The following AK5 variants were observed in gnomAD, a reference collection of about 807,000 sequenced individuals.
AK5 encodes adenylate kinase isoenzyme 5.
In AK5, 27 loss-of-function variants were observed where a neutral mutation model predicts 69.5. That is an observed-to-expected ratio of 0.39 (90% CI 0.29 to 0.54). The LOEUF is 0.54. Ranked by LOEUF, AK5 falls within the 20% of genes least tolerant of loss-of-function variation. AK5 has a pLI of 0.71. For missense variants in AK5, 531 were observed against 700.4 expected (o/e 0.76, Z 2.73); for synonymous variants, 260 against 244.4 (o/e 1.06, Z -0.60).
intron 5 of AK5, among the ~76,000 whole-genome samples, chr1:77,329,548 T>A (rs1452006932): frequency 1.3e-5 from 2 of 152,218 alleles, no homozygotes; most frequent in African/African-American, 2.4e-5. Context: ...GGTGTGCCAC[T>A]GTGCCTGGCC....
At position 77,368,247 on chromosome 1, in the gene AK5, A is replaced by AT. The variant is rs1441296979; in HGVS notation, c.891+27680dup. Among the ~76,000 whole-genome samples, 5 of 88,690 alleles carry AT rather than the reference A, an allele frequency of 5.6e-5. 1 individual carries two copies. The highest frequency in any genetic ancestry group is 1.5e-4 in the Admixed American group (1 of 6,478). The allele number at this position is 88,690 out of a possible 152,430, so 58.2% of individuals were successfully genotyped here. A position where few individuals can be genotyped will look rare whatever the true frequency, so the allele number is the denominator to read the frequency against. Reference sequence around the variant, plus strand: ...TATATATATATATATATATATATATATATATAATATATATGTTATATATAT... The same window carrying AT: ...TATATATATATATATATATATATATATTATATAATATATATGTTATATATAT... On this transcript the variant is annotated intron_variant, in intron 6 of 13. Coordinates refer to ENST00000354567, the MANE Select transcript of AK5 (RefSeq NM_174858.3).
chr1:77,400,774 T>C (rs570260397), intron 6 of AK5, among the ~76,000 whole-genome samples: 142 of 152,206 alleles, frequency 9.3e-4, no homozygotes, highest in African/African-American at 3.3e-3. Context: ...GTGCTGCCTA[T>C]ATCCAGTGAA....
At chr1:77,555,107 C>T (rs1660032525) in intron 13 of AK5, among the ~76,000 whole-genome samples, 1 of 151,754 alleles carries the variant, frequency 6.6e-6, no homozygotes, top group African/African-American at 2.4e-5. Flanking sequence ...ATGGTGAAAC[C>T]CCATCTCTAC....
At chr1:77,342,618 G>GA (rs1352548378) in intron 6 of AK5, among the ~76,000 whole-genome samples, 1 of 152,080 alleles carries the variant, frequency 6.6e-6, no homozygotes, top group Non-Finnish European at 1.5e-5. Context: ...AATATAATTT[G>GA]AAAAAATTTG....
chr1:77,531,688 C>G (rs1211620945), intron 12 of AK5, among the ~76,000 whole-genome samples: 1 of 152,200 alleles, frequency 6.6e-6, no homozygotes, highest in East Asian at 1.9e-4. Flanking sequence ...GACTCAGGAG[C>G]CCAGCTGGCT....
intron 12 of AK5, 97 bp downstream of exon 12, chr1:77,522,040 A>G: frequency 1.0e-6 from 1 of 976,396 alleles, no homozygotes; most frequent in Non-Finnish European, 1.5e-6. Flanking sequence ...CAATTACATT[A>G]ATGAAAACTT....
chr1:77,551,407 T>G (rs1341644575), intron 13 of AK5, among the ~76,000 whole-genome samples: 1 of 152,154 alleles, frequency 6.6e-6, no homozygotes, highest in East Asian at 1.9e-4. Flanking sequence ...ATTTTGTCTT[T>G]AAACCTACCC....
At chr1:77,381,190 G>A (rs967395107) in intron 6 of AK5, among the ~76,000 whole-genome samples, 1 of 152,080 alleles carries the variant, frequency 6.6e-6, no homozygotes, top group African/African-American at 2.4e-5. Context: ...ACCTTTGGGA[G>A]GTGATCAGGT....
chr1:77,295,572 C>T (rs1403436615), intron 3 of AK5, among the ~76,000 whole-genome samples: 1 of 152,012 alleles, frequency 6.6e-6, no homozygotes, highest in Non-Finnish European at 1.5e-5. Context: ...ACATAGAAGA[C>T]AAGGAAACAC....
chr1:77,437,747 A>T (rs1386486849), intron 8 of AK5, among the ~76,000 whole-genome samples: 3 of 152,158 alleles, frequency 2.0e-5, no homozygotes, highest in Admixed American at 2.0e-4. Context: ...TGATTAGTCG[A>T]TGCAGGCAGG....
At chr1:77,438,452 G>A (rs1302046941) in intron 8 of AK5, among the ~76,000 whole-genome samples, 1 of 151,932 alleles carries the variant, frequency 6.6e-6, no homozygotes, top group Non-Finnish European at 1.5e-5. Flanking sequence ...ATCTCGTTTT[G>A]TTTCTTATTA....
chr1:77,532,244 A>T (rs571550919), intron 12 of AK5: 1 of 155,630 alleles, frequency 6.4e-6, no homozygotes, highest in South Asian at 2.0e-4. Context: ...AGGCGCTGAC[A>T]TCGAGCGGGG....
At chr1:77,428,900 A>G (rs1651403055) in intron 8 of AK5, among the ~76,000 whole-genome samples, 1 of 152,198 alleles carries the variant, frequency 6.6e-6, no homozygotes, top group Admixed American at 6.5e-5. Context: ...GATGGTTTCC[A>G]GCTTCATCCA....
chr1:77,471,932 A>G (rs61360507), intron 8 of AK5, among the ~76,000 whole-genome samples: 9,696 of 152,240 alleles, frequency 0.064, 600 homozygotes, highest in East Asian at 0.27. Flanking sequence ...CCAAAGCTCT[A>G]CAAACATGCT....
At chr1:77,506,216 TTTGGTTGGTTGGTTGG>T (rs60715102) in intron 10 of AK5, among the ~76,000 whole-genome samples, 2 of 148,972 alleles carry the variant, frequency 1.3e-5, no homozygotes, top group South Asian at 2.2e-4. Flanking sequence ...AGGATCGGTG[TTTGGTTGGTTGGTTGG>T]TTGGTTGGTT....
chr1:77,487,873 G>A (rs1655700021), intron 10 of AK5, among the ~76,000 whole-genome samples: 2 of 152,306 alleles, frequency 1.3e-5, no homozygotes, highest in African/African-American at 2.4e-5. Context: ...GGGCAGTGAG[G>A]AGTCACAGAG....
At chr1:77,351,119 C>T (rs1449887624) in intron 6 of AK5, among the ~76,000 whole-genome samples, 3 of 152,166 alleles carry the variant, frequency 2.0e-5, no homozygotes, top group South Asian at 2.1e-4. Flanking sequence ...CTGGGCCGGG[C>T]GCGGTGGCTC....
chr1:77,349,175 G>A lies in AK5; in HGVS notation c.891+8607G>A, dbSNP rs539519672. On this transcript the variant is annotated intron_variant, in intron 6 of 13. Coordinates refer to ENST00000354567, the MANE Select transcript of AK5 (RefSeq NM_174858.3). ...CTAACAATTCCTGAATGCTTAATACGTGCCTAGTACTATTCGGAATGTTTC... is the reference window on the plus strand; with the variant it reads ...CTAACAATTCCTGAATGCTTAATACATGCCTAGTACTATTCGGAATGTTTC... Among the ~76,000 whole-genome samples the A allele has an allele frequency of 6.6e-5, 10 of 152,204 alleles. 1 individual carries two copies. Among genetic ancestry groups the A allele is most frequent in the South Asian group, 4.2e-4 (2 of 4,816 alleles).
At chr1:77,506,186 A>T (rs182355384) in intron 10 of AK5, among the ~76,000 whole-genome samples, 2 of 151,300 alleles carry the variant, frequency 1.3e-5, no homozygotes, top group East Asian at 3.9e-4. Flanking sequence ...GGCGCTGGAG[A>T]CCTCTGGGTG....
Sources: gnomAD v4.1 joint callset for allele counts (sites outside exome capture counted in the v4.1 genomes callset) on GRCh38, gnomAD v4.1.1 for gene constraint, MANE v1.5 for transcripts, NCBI Gene and HGNC (gene_info 2026-07-23, HGNC 2026-07-21) for gene names.